The following RALGPS1 variants were observed in gnomAD, a reference collection of about 807,000 sequenced individuals.
RALGPS1 encodes the protein ras-specific guanine nucleotide-releasing factor RalGPS1.
In RALGPS1, 19 loss-of-function variants were observed where a neutral mutation model predicts 78.8. The ratio of observed to expected loss-of-function variants is 0.24; its 90% CI spans 0.17 to 0.35. RALGPS1 has a LOEUF of 0.35. Ranked by LOEUF, RALGPS1 falls within the 10% of genes least tolerant of loss-of-function variation. The probability of loss-of-function intolerance (pLI) is 1.00; values close to 1 mark genes in which losing one functional copy is unlikely to be tolerated. For missense variants in RALGPS1, 454 were observed against 688.3 expected, an observed-to-expected ratio of 0.66 and a Z score of 3.81; for synonymous variants, 228 against 256.3, an observed-to-expected ratio of 0.89 and a Z score of 1.06.
At chr9:126,944,883 G>A (rs1264307186) in intron 1 of RALGPS1, among the ~76,000 whole-genome samples, 1 of 152,152 alleles carries the variant, frequency 6.6e-6, no homozygotes, top group Non-Finnish European at 1.5e-5. Flanking sequence ...TAGTTCCTTA[G>A]TCTGTCCAGA....
intron 11 of RALGPS1, among the ~76,000 whole-genome samples, chr9:127,181,640 TTAACTC>T (rs1254259942): frequency 6.6e-6 from 1 of 152,220 alleles, no homozygotes; most frequent in East Asian, 1.9e-4. Context: ...TGATCTAACA[TTAACTC>T]TAATCTCCTT....
chr9:127,166,985 G>C (rs1434978597), intron 9 of RALGPS1, among the ~76,000 whole-genome samples: 20 of 151,206 alleles, frequency 1.3e-4, no homozygotes, highest in Admixed American at 1.2e-3. Flanking sequence ...TAGCACTGAT[G>C]AGCAGGCGGT....
chr9:127,104,227 A>G (rs1438148130), intron 8 of RALGPS1, among the ~76,000 whole-genome samples: 1 of 152,170 alleles, frequency 6.6e-6, no homozygotes, highest in Non-Finnish European at 1.5e-5. Flanking sequence ...TTTAAAGATT[A>G]GTTTCTGACA....
chr9:126,998,591 A>G (rs189076878), intron 4 of RALGPS1, among the ~76,000 whole-genome samples: 90 of 152,344 alleles, frequency 5.9e-4, no homozygotes, highest in African/African-American at 2.1e-3. Flanking sequence ...CAGTTCAACC[A>G]TTGTGGAAGT....
Position 127,072,829 on chromosome 9 carries a change from T to A in RALGPS1, c.610+3473T>A, listed in dbSNP as rs1231106360. On this transcript the variant is annotated intron_variant, in intron 8 of 18. Transcript: ENST00000259351. ...TAACAGTTGTAGATTCATTGTGAAG[T>A]ACTCCGTACAAAGTTATCTTGGTTC... 2.6e-5 allele frequency among the ~76,000 whole-genome samples: 4 copies of A among 152,356 alleles called. No homozygotes were observed. In the South Asian group the frequency reaches 8.3e-4, roughly 32 times the overall value.
Position 127,218,959 on chromosome 9 carries a change from C to T in RALGPS1, c.*190C>T. On this transcript the variant is annotated 3_prime_UTR_variant, in exon 19 of 19. Coordinates refer to ENST00000259351, the MANE Select transcript of RALGPS1 (RefSeq NM_014636.3). The surrounding 1 kb of genome is among the most constrained non-coding windows in gnomAD (Gnocchi z 4.4). Reference sequence around the variant, plus strand: ...AGTGTGGGATCCACCTGTCAGTCCCCAGCGACTCTCATGACACTCATTCTG... The same window carrying T: ...AGTGTGGGATCCACCTGTCAGTCCCTAGCGACTCTCATGACACTCATTCTG... The T allele has an allele frequency of 1.5e-6, 1 of 652,504 alleles. No individual in the cohort carries two copies. The highest frequency in any genetic ancestry group is 1.7e-5 in the South Asian group (1 of 57,204). The allele number at this position is 652,504 out of a possible 1,614,324, so 40.4% of individuals were successfully genotyped here.
intron 8 of RALGPS1, among the ~76,000 whole-genome samples, chr9:127,135,620 G>C (rs1182479968): frequency 6.6e-6 from 1 of 152,244 alleles, no homozygotes; most frequent in Non-Finnish European, 1.5e-5. Flanking sequence ...AACCAGACTA[G>C]GGGCCCTCCC....
intron 1 of RALGPS1, among the ~76,000 whole-genome samples, chr9:126,952,302 A>G (rs1043722049): frequency 1.9e-4 from 29 of 152,092 alleles, no homozygotes; most frequent in Non-Finnish European, 3.4e-4. Flanking sequence ...CTTGGGAGAG[A>G]GGCCAGAGGT....
At chr9:127,125,131 T>C (rs2056514429) in intron 8 of RALGPS1, among the ~76,000 whole-genome samples, 2 of 152,198 alleles carry the variant, frequency 1.3e-5, no homozygotes, top group Admixed American at 1.3e-4. Context: ...GGGGATGATA[T>C]GAGGATCTCC....
At chr9:126,961,391 G>A (rs1024445256) in intron 1 of RALGPS1, among the ~76,000 whole-genome samples, 2 of 152,202 alleles carry the variant, frequency 1.3e-5, no homozygotes, top group Admixed American at 1.3e-4. Context: ...TGTATGCCAA[G>A]CATGGCATAT....
At chr9:126,996,660 G>A (rs1344696860) in intron 4 of RALGPS1, among the ~76,000 whole-genome samples, 2 of 152,166 alleles carry the variant, frequency 1.3e-5, no homozygotes, top group Non-Finnish European at 2.9e-5. Flanking sequence ...GAAAAAGAGG[G>A]AATCCTCCCT....
intron 4 of RALGPS1, among the ~76,000 whole-genome samples, chr9:126,995,277 A>G (rs2042632327): frequency 6.6e-6 from 1 of 152,178 alleles, no homozygotes; most frequent in South Asian, 2.1e-4. Context: ...TGCTGTATTC[A>G]GGAAACCCAT....
intron 10 of RALGPS1, among the ~76,000 whole-genome samples, chr9:127,174,480 C>G (rs1012285842): frequency 1.3e-5 from 2 of 152,166 alleles, no homozygotes; most frequent in Admixed American, 6.5e-5. Flanking sequence ...AGAGTGAACA[C>G]ATCTGTGCTC....
At chr9:127,047,952 C>G (rs552893813) in intron 5 of RALGPS1, among the ~76,000 whole-genome samples, 1 of 152,272 alleles carries the variant, frequency 6.6e-6, no homozygotes, top group South Asian at 2.1e-4. Flanking sequence ...TCTTCCTTAT[C>G]TCCCTCTTCT....
intron 11 of RALGPS1, among the ~76,000 whole-genome samples, chr9:127,190,379 A>G (rs1391589598): frequency 6.6e-6 from 1 of 152,200 alleles, no homozygotes; most frequent in Non-Finnish European, 1.5e-5. Flanking sequence ...GCTGGAGTGC[A>G]GTGGCATGAT....
chr9:127,198,282 C>T (rs927808983), intron 13 of RALGPS1, among the ~76,000 whole-genome samples: 1 of 152,190 alleles, frequency 6.6e-6, no homozygotes, highest in Non-Finnish European at 1.5e-5. Flanking sequence ...CTCCTCCCTC[C>T]CCCTTTCCCA....
At chr9:126,944,010 A>G (rs2131527218) in intron 1 of RALGPS1, among the ~76,000 whole-genome samples, 1 of 152,354 alleles carries the variant, frequency 6.6e-6, no homozygotes, top group Non-Finnish European at 1.5e-5. Context: ...GCACCCTAAC[A>G]CAGGACCCTC....
chr9:127,144,158 GA>G (rs2057957665), intron 8 of RALGPS1, among the ~76,000 whole-genome samples: 1 of 152,210 alleles, frequency 6.6e-6, no homozygotes, highest in Non-Finnish European at 1.5e-5. Context: ...CCTGAGGCCT[GA>G]AAATGGAGCT....
rs2052408650 is a variant in RALGPS1, at chr9:127,091,044, T to C, written c.610+21688T>C. Among the ~76,000 whole-genome samples, 2 of 152,250 alleles carry C rather than the reference T, an allele frequency of 1.3e-5. No individual in the cohort carries two copies. Among genetic ancestry groups the C allele is most frequent in the Non-Finnish European group, 2.9e-5 (2 of 68,050 alleles). ...ATCTGCTTTCCTCTTAATAGCTTCC[T>C]CTCAGCACTGCACTAGCATTACATG... On this transcript the variant is annotated intron_variant, in intron 8 of 18. Transcript: ENST00000259351. This position sits in a 1 kb window ranked among gnomAD's most constrained non-coding sequence, Gnocchi z 4.3.
Sources: allele counts gnomAD v4.1 joint callset (sites outside exome capture counted in the v4.1 genomes callset), GRCh38; gene constraint gnomAD v4.1.1; non-coding constraint Gnocchi (gnomAD v3.1); transcripts MANE v1.5; gene names NCBI Gene and HGNC (gene_info 2026-07-23, HGNC 2026-07-21).